The following CYTH3 variants were observed in gnomAD, a reference collection of about 807,000 sequenced individuals.
CYTH3 encodes cytohesin-3.
In CYTH3, 23 loss-of-function variants were observed where a neutral mutation model predicts 55.1. The ratio of observed to expected loss-of-function variants is 0.42; its 90% CI spans 0.30 to 0.59. The LOEUF (loss-of-function observed/expected upper bound fraction) is 0.59, where lower values mean the gene tolerates loss of function less well. Ranked by LOEUF, CYTH3 falls within the 20% of genes least tolerant of loss-of-function variation. CYTH3 has a pLI of 0.20. For synonymous variants in CYTH3, 249 were observed against 194.9 expected (o/e 1.28, Z -2.31); for missense variants, 413 against 524.8 (o/e 0.79, Z 2.08).
chr7:6,218,761 C>G (rs1020172398), intron 1 of CYTH3, among the ~76,000 whole-genome samples: 1 of 152,110 alleles, frequency 6.6e-6, no homozygotes, highest in African/African-American at 2.4e-5. Context: ...AATCCTAGCA[C>G]TTTGGGAGGC....
At chr7:6,241,045 C>T (rs1412624052) in intron 1 of CYTH3, among the ~76,000 whole-genome samples, 1 of 152,010 alleles carries the variant, frequency 6.6e-6, no homozygotes, top group Non-Finnish European at 1.5e-5. Flanking sequence ...TCGCTTGAAC[C>T]TGGGAGGCGG....
intron 1 of CYTH3, among the ~76,000 whole-genome samples, chr7:6,193,485 C>A (rs1166941438): frequency 6.6e-6 from 1 of 152,066 alleles, no homozygotes; most frequent in Admixed American, 6.6e-5. Context: ...CAGAAAGAAC[C>A]GCCACATTTT....
intron 1 of CYTH3, among the ~76,000 whole-genome samples, chr7:6,198,503 T>C (rs983999203): frequency 2.0e-5 from 3 of 152,208 alleles, no homozygotes; most frequent in Non-Finnish European, 4.4e-5. Flanking sequence ...TCAGAGAAGG[T>C]GTCCTTAATT....
At chr7:6,199,474 C>A (rs1037575205) in intron 1 of CYTH3, among the ~76,000 whole-genome samples, 2 of 152,046 alleles carry the variant, frequency 1.3e-5, no homozygotes, top group African/African-American at 4.8e-5. Flanking sequence ...ATAGCAAGAA[C>A]CTATCTCTAA....
intron 1 of CYTH3, among the ~76,000 whole-genome samples, chr7:6,202,695 G>A (rs1398290713): frequency 6.6e-6 from 1 of 151,922 alleles, no homozygotes; most frequent in Non-Finnish European, 1.5e-5. Flanking sequence ...CCGACCTGAG[G>A]TGATCCGCCC....
At chr7:6,179,516 A>T (rs927418641) in intron 4 of CYTH3, among the ~76,000 whole-genome samples, 9 of 151,952 alleles carry the variant, frequency 5.9e-5, no homozygotes, top group African/African-American at 2.2e-4. Context: ...AGTGAGTCTA[A>T]CAATCCTAAA....
chr7:6,175,794 G>A (rs760027693), intron 5 of CYTH3, among the ~76,000 whole-genome samples: 4 of 152,016 alleles, frequency 2.6e-5, no homozygotes, highest in South Asian at 2.1e-4. Flanking sequence ...TGATCTGCCC[G>A]TCTCAGCCTC....
intron 1 of CYTH3, among the ~76,000 whole-genome samples, chr7:6,252,807 T>C (rs1477459892): frequency 6.6e-6 from 1 of 152,230 alleles, no homozygotes; most frequent in Non-Finnish European, 1.5e-5. Context: ...ATATAGTTTG[T>C]CTTACTAAAT....
chr7:6,213,707 A>G (rs1389330648), intron 1 of CYTH3, among the ~76,000 whole-genome samples: 1 of 151,912 alleles, frequency 6.6e-6, no homozygotes, highest in Non-Finnish European at 1.5e-5. Context: ...CGGGTGTCTG[A>G]AGACACAATC....
At chr7:6,227,783 A>C (rs1310836135) in intron 1 of CYTH3, among the ~76,000 whole-genome samples, 1 of 152,178 alleles carries the variant, frequency 6.6e-6, no homozygotes, top group Non-Finnish European at 1.5e-5. Context: ...ACGATATCTC[A>C]TAAACTTTAT....
chr7:6,223,148 C>T (rs966968086), intron 1 of CYTH3, among the ~76,000 whole-genome samples: 1 of 151,196 alleles, frequency 6.6e-6, no homozygotes, highest in East Asian at 2.0e-4. Flanking sequence ...CGCCTCTGCC[C>T]GGCCGCCCCG....
At chr7:6,261,439 G>T (rs955498216) in intron 1 of CYTH3, among the ~76,000 whole-genome samples, 1 of 152,118 alleles carries the variant, frequency 6.6e-6, no homozygotes, top group Non-Finnish European at 1.5e-5. Context: ...TTCCGGCCAG[G>T]TGAGGTGGCT....
intron 1 of CYTH3, among the ~76,000 whole-genome samples, chr7:6,245,041 A>T (rs994270666): frequency 5.8e-4 from 75 of 129,372 alleles, no homozygotes; most frequent in African/African-American, 2.1e-3. Context: ...GGATGGTCTC[A>T]ATCTCCTGAC....
chr7:6,235,456 G>C (rs1779495194), intron 1 of CYTH3, among the ~76,000 whole-genome samples: 1 of 146,140 alleles, frequency 6.8e-6, no homozygotes, highest in African/African-American at 2.6e-5. Context: ...CTGGGAGACA[G>C]AGGGAGACTC....
chr7:6,242,056 G>A (rs1018195807), intron 1 of CYTH3, among the ~76,000 whole-genome samples: 2 of 152,076 alleles, frequency 1.3e-5, no homozygotes, highest in African/African-American at 4.8e-5. Flanking sequence ...CACAAAGGAA[G>A]GGAACAGGGC....
rs750874462 is a variant in CYTH3, at chr7:6,165,804, C to T, written c.830G>A (p.Arg277His). ...REGWLLKLGG[R>H]VKTWKRRWFI... ...CCACCGGCGCTTCCAGGTCTTCACA[C>T]GCCCTCCTAGAAGCAGAAGGGCCCC... Residue 277 changes from arginine (R) to histidine (H), a missense_variant, in exon 10 of 13, where the codon CGT (arginine) becomes CAT (histidine). Transcript: ENST00000350796. The T allele has an allele frequency of 1.3e-5, 21 of 1,613,922 alleles. No homozygotes were observed. The Admixed American group carries it at 1.7e-4, about 13-fold the overall frequency.
At chr7:6,231,920 C>T (rs573326240) in intron 1 of CYTH3, among the ~76,000 whole-genome samples, 82 of 152,326 alleles carry the variant, frequency 5.4e-4, no homozygotes, top group South Asian at 4.6e-3. Context: ...GGCTCTCCAA[C>T]GAGCCTGATC....
chr7:6,272,410 G>GA, intron 1 of CYTH3, 64 bp downstream of exon 1: 1 of 1,216,618 alleles, frequency 8.2e-7, no homozygotes, highest in Non-Finnish European at 1.1e-6. Flanking sequence ...CCGCGCCCTC[G>GA]ACCCCCAGCC....
chr7:6,162,053 T>A lies in CYTH3; in HGVS notation c.*2891A>T, dbSNP rs1487331900. On this transcript the variant is annotated 3_prime_UTR_variant, in exon 13 of 13. Transcript: ENST00000350796. ...TTTCTGGTCTACCACAGACCTAACT[T>A]CTCAGCAAAGCATATCTATGTAGAT... The A allele has an allele frequency of 6.6e-6, 1 of 152,640 alleles. No individual in the cohort carries two copies. Among genetic ancestry groups the A allele is most frequent in the Non-Finnish European group, 1.5e-5 (1 of 68,046 alleles). 9.5% of individuals were successfully genotyped at this position (152,640 alleles called of 1,614,324 possible).
Sources: gnomAD v4.1 joint callset for allele counts (sites outside exome capture counted in the v4.1 genomes callset) on GRCh38, gnomAD v4.1.1 for gene constraint, MANE v1.5 for transcripts, NCBI Gene and HGNC (gene_info 2026-07-23, HGNC 2026-07-21) for gene names.